ARHGEF28: variants seen among roughly 807,000 people sequenced by gnomAD.
ARHGEF28 encodes Rho guanine nucleotide exchange factor 28.
ARHGEF28 carries 152 observed loss-of-function variants against 206.6 expected under a neutral mutation model. The ratio of observed to expected loss-of-function variants is 0.74; its 90% CI spans 0.64 to 0.84. The LOEUF (loss-of-function observed/expected upper bound fraction) is 0.84. Among genes scored for constraint, ARHGEF28 ranks in the 40% least tolerant of loss-of-function variants. ARHGEF28 has a pLI of 0.00. For synonymous variants in ARHGEF28, 763 were observed against 776.4 expected (o/e 0.98, Z 0.29); for missense variants, 2,028 against 2,073.2 (o/e 0.98, Z 0.42).
intron 2 of ARHGEF28, among the ~76,000 whole-genome samples, chr5:73,691,519 G>C (rs562391357): frequency 6.6e-6 from 1 of 152,184 alleles, no homozygotes; most frequent in Non-Finnish European, 1.5e-5. Flanking sequence ...ACCTCATGCT[G>C]GACCTACTGA....
chr5:73,733,089 A>C (rs547795693), intron 2 of ARHGEF28, among the ~76,000 whole-genome samples: 1 of 152,232 alleles, frequency 6.6e-6, no homozygotes, highest in East Asian at 1.9e-4. Context: ...TGCACCCATC[A>C]CCCAAGCAGT....
intron 35 of ARHGEF28, among the ~76,000 whole-genome samples, chr5:73,918,244 A>G (rs889915285): frequency 1.3e-5 from 2 of 152,198 alleles, no homozygotes; most frequent in East Asian, 1.9e-4. Context: ...CTTTGTTACA[A>G]CTAGTCAACT....
chr5:73,645,002 A>G (rs1165265186), intron 1 of ARHGEF28, among the ~76,000 whole-genome samples: 1 of 152,132 alleles, frequency 6.6e-6, no homozygotes, highest in African/African-American at 2.4e-5. Context: ...TAAAATTTGT[A>G]TATCTTTTTA....
In ARHGEF28 at chr5:73,885,898, A is replaced by G; in HGVS notation, c.3104A>G (p.Lys1035Arg). 2 of 1,613,736 alleles carry G rather than the reference A, an allele frequency of 1.2e-6. No individual in the cohort carries two copies. The highest frequency in any genetic ancestry group is 1.7e-6 in the Non-Finnish European group (2 of 1,179,822). ...TTACGCAAAGCGCTTTGCTTAATTA[A>G]AGACATGATTGCAACAGTGGATTTA... ...KDLRKALCLI[K>R]DMIATVDLKV... Residue 1035 changes from lysine to arginine, a missense_variant, in exon 25 of 36, where the codon AAA (lysine) becomes AGA (arginine). Lys to Arg is a conservative substitution (Grantham distance 26). Around this residue, in one of 3 missense-constraint regions of ARHGEF28, gnomAD observed 223 missense variants for 289.9 expected, o/e 0.77. Transcript: ENST00000513042.
chr5:73,764,406 G>A (rs1053278348), intron 4 of ARHGEF28, among the ~76,000 whole-genome samples: 21 of 152,178 alleles, frequency 1.4e-4, no homozygotes, highest in Admixed American at 1.2e-3. Flanking sequence ...TTTTAAAGTT[G>A]CAACTGATTT....
intron 23 of ARHGEF28, among the ~76,000 whole-genome samples, chr5:73,882,841 A>G: frequency 6.6e-6 from 1 of 152,158 alleles, no homozygotes; most frequent in Admixed American, 6.5e-5. Context: ...AATATTTGTA[A>G]CATACTGGGA....
At chr5:73,642,489 C>T (rs531701464) in intron 1 of ARHGEF28, among the ~76,000 whole-genome samples, 326 of 152,312 alleles carry the variant, frequency 2.1e-3, no homozygotes, top group African/African-American at 7.1e-3. Context: ...TACCTGTGCT[C>T]TGTTCCCAGT....
intron 11 of ARHGEF28, among the ~76,000 whole-genome samples, chr5:73,844,767 C>CAAA (rs33999122): frequency 1.7e-4 from 14 of 82,842 alleles, no homozygotes; most frequent in African/African-American, 5.2e-4. Flanking sequence ...CTGTAACAAC[C>CAAA]AAAAAAAAAA....
chr5:73,932,267 A>G (rs773389246), intron 35 of ARHGEF28, among the ~76,000 whole-genome samples: 2 of 152,200 alleles, frequency 1.3e-5, no homozygotes, highest in African/African-American at 2.4e-5. Context: ...TCATTCTGAC[A>G]TACTTTTTCA....
chr5:73,912,451 G>T (rs897493648), intron 35 of ARHGEF28, among the ~76,000 whole-genome samples: 7 of 152,186 alleles, frequency 4.6e-5, no homozygotes, highest in Non-Finnish European at 8.8e-5. Context: ...TTGTCAGTTG[G>T]AGGATAATTT....
intron 2 of ARHGEF28, among the ~76,000 whole-genome samples, chr5:73,699,867 T>C (rs963036973): frequency 6.6e-6 from 1 of 152,236 alleles, no homozygotes; most frequent in Non-Finnish European, 1.5e-5. Context: ...GGCATTAATC[T>C]ATTTAAATTT....
chr5:73,783,415 G>A (rs1753969446), intron 7 of ARHGEF28, among the ~76,000 whole-genome samples: 1 of 150,028 alleles, frequency 6.7e-6, no homozygotes, highest in Admixed American at 6.7e-5. Context: ...TCTGTATGGT[G>A]GTGGCAGTGA....
At chr5:73,653,810 T>C (rs1459581283) in intron 1 of ARHGEF28, among the ~76,000 whole-genome samples, 1 of 152,210 alleles carries the variant, frequency 6.6e-6, no homozygotes, top group East Asian at 1.9e-4. Flanking sequence ...AGGTTTGGCA[T>C]TCCTGCCCTC....
intron 9 of ARHGEF28, among the ~76,000 whole-genome samples, chr5:73,811,031 C>T (rs1755808479): frequency 6.6e-6 from 1 of 152,166 alleles, no homozygotes; most frequent in African/African-American, 2.4e-5. Flanking sequence ...AAACCCACTC[C>T]TACCAATTCA....
At position 73,941,732 on chromosome 5, in the gene ARHGEF28, A is replaced by T. The variant is rs993705216; in HGVS notation, c.*719A>T. 6.6e-6 allele frequency: 1 copy of T among 152,226 alleles called. No individual in the cohort carries two copies. Among genetic ancestry groups the T allele is most frequent in the Non-Finnish European group, 1.5e-5 (1 of 68,104 alleles). The allele number at this position is 152,226 out of a possible 1,614,324, so 9.4% of individuals were successfully genotyped here. On this transcript the variant is annotated 3_prime_UTR_variant, in exon 36 of 36. Transcript: ENST00000513042. The stretch of plus-strand genomic sequence containing the variant: ...CTTTGTTAGAGCCCTCACTTCTATC[A>T]ATCAGCTGTCCTGTCCCTGCCAGCA...
chr5:73,766,874 A>G (rs1337139846), intron 4 of ARHGEF28, among the ~76,000 whole-genome samples: 1 of 152,206 alleles, frequency 6.6e-6, no homozygotes, highest in Non-Finnish European at 1.5e-5. Context: ...AACCCTAGCA[A>G]GAAAACATGC....
Position 73,879,483 on chromosome 5 carries a change from TGGA to T in ARHGEF28, c.2815-2981_2815-2979del, listed in dbSNP as rs763473336. Among the ~76,000 whole-genome samples, 621 of 152,330 alleles carry T rather than the reference TGGA, an allele frequency of 4.1e-3. 6 individuals carry two copies. Among genetic ancestry groups the T allele is most frequent in the Non-Finnish European group, 4.2e-3 (287 of 68,026 alleles). On this transcript the variant is annotated intron_variant, in intron 22 of 35. Transcript: ENST00000513042. ...TTGCTGGTGAGGAACTGCATTCCTTTGGAGGAGGAGAGGCGCTCTGCTTTTTAG... is the reference window on the plus strand; with the variant it reads ...TTGCTGGTGAGGAACTGCATTCCTTTGGAGGAGAGGCGCTCTGCTTTTTAG...
chr5:73,835,910 G>A (rs1028178374), intron 10 of ARHGEF28, among the ~76,000 whole-genome samples: 1 of 152,182 alleles, frequency 6.6e-6, no homozygotes, highest in Non-Finnish European at 1.5e-5. Flanking sequence ...CTTCCTTGCT[G>A]CATGTCGGGG....
Position 73,941,009 on chromosome 5 carries a change from T to C in ARHGEF28, c.5114T>C (p.Leu1705Pro). 1 of 1,487,232 alleles carries C rather than the reference T, an allele frequency of 6.7e-7. No homozygotes were observed. The highest frequency in any genetic ancestry group is 8.9e-7 in the Non-Finnish European group (1 of 1,127,966). The allele number at this position is 1,487,232 out of a possible 1,614,324, so 92.1% of individuals were successfully genotyped here. The stretch of plus-strand genomic sequence containing the variant: ...GGAGCCAAAGAAAATATTGTTTACC[T>C]CTAATTGTGTTGTCATTTTTCCAAA... ...GDGAKENIVYL is the reference protein window; with the variant it reads ...GDGAKENIVYP The change falls in exon 36 of 36, where the codon CTC becomes CCC. Residue 1705 changes from leucine to proline, a missense_variant. Leu to Pro is a moderately conservative substitution (Grantham distance 98). This residue lies in a region of ARHGEF28 where 803 missense variants were observed against 768.0 expected (regional missense o/e 1.05). Transcript: ENST00000513042.
Sources: allele counts gnomAD v4.1 joint callset (sites outside exome capture counted in the v4.1 genomes callset), GRCh38; gene constraint gnomAD v4.1.1; regional missense constraint gnomAD v4.1.1; transcripts MANE v1.5; gene names NCBI Gene and HGNC (gene_info 2026-07-23, HGNC 2026-07-21).